The following CELF2 variants were observed in gnomAD, a reference collection of about 807,000 sequenced individuals.
CELF2 encodes the protein CUGBP Elav-like family member 2, also known as CUG triplet repeat RNA-binding protein 2.
Under a neutral mutation model 62.6 loss-of-function variants are expected in CELF2, and 8 were observed. That is an observed-to-expected ratio of 0.13 (90% CI 0.07 to 0.23). CELF2 has a LOEUF of 0.23. Among genes scored for constraint, CELF2 ranks in the 10% least tolerant of loss-of-function variants. The pLI, the probability that CELF2 is intolerant of heterozygous loss-of-function variation, is 1.00. For synonymous variants in CELF2, 258 were observed against 250.0 expected, an observed-to-expected ratio of 1.03 and a Z score of -0.30; for missense variants, 333 against 671.0, an observed-to-expected ratio of 0.50 and a Z score of 5.56.
the CELF2 span, among the ~76,000 whole-genome samples, chr10:10,698,370 G>A: frequency 6.6e-6 from 1 of 152,042 alleles, no homozygotes; most frequent in South Asian, 2.1e-4. Context: ...CCTTCATCTG[G>A]AACAAGTAAA....
chr10:10,566,189 T>C, the CELF2 span, among the ~76,000 whole-genome samples: 3 of 152,074 alleles, frequency 2.0e-5, no homozygotes, highest in African/African-American at 7.2e-5. Context: ...TAGATGTCAT[T>C]TTAAAAGAAG....
intron 1 of CELF2, among the ~76,000 whole-genome samples, chr10:10,864,780 C>T (rs2060254902): frequency 6.6e-6 from 1 of 152,194 alleles, no homozygotes; most frequent in Admixed American, 6.5e-5. Context: ...CACGAATATT[C>T]AGTTCATAAC....
At chr10:10,652,373 G>A in the CELF2 span, among the ~76,000 whole-genome samples, 20 of 127,564 alleles carry the variant, frequency 1.6e-4, no homozygotes, top group East Asian at 1.1e-3. Context: ...TACAGACAAC[G>A]CCACAAAGAT....
intron 2 of CELF2, among the ~76,000 whole-genome samples, chr10:11,172,164 C>G (rs537317173): frequency 2.0e-4 from 30 of 152,286 alleles, no homozygotes; most frequent in African/African-American, 7.0e-4. Context: ...GGGACAGCCC[C>G]AGTTTTGGTG....
chr10:10,550,409 C>T, the CELF2 span, among the ~76,000 whole-genome samples: 4 of 152,128 alleles, frequency 2.6e-5, no homozygotes, highest in Non-Finnish European at 5.9e-5. Context: ...ACAGAGTCAT[C>T]AATGGGCTCA....
intron 1 of CELF2, among the ~76,000 whole-genome samples, chr10:10,914,848 G>A (rs1158188589): frequency 6.6e-6 from 1 of 152,070 alleles, no homozygotes. Flanking sequence ...AGTGGTCTGG[G>A]CCAGGCATGA....
intron 1 of CELF2, among the ~76,000 whole-genome samples, chr10:11,101,361 C>G (rs978920770): frequency 4.6e-5 from 7 of 152,096 alleles, no homozygotes; most frequent in Non-Finnish European, 1.0e-4. Flanking sequence ...TAAATGGTGA[C>G]TGTATATAGG....
At chr10:10,952,374 T>TAGGAGCTAC (rs2048418518) in intron 2 of CELF2, 1 of 152,036 alleles carries the variant, frequency 6.6e-6, no homozygotes, top group Non-Finnish European at 1.5e-5. Flanking sequence ...ACCCCAAAGA[T>TAGGAGCTAC]AGGAGCTACA....
At chr10:11,189,793 A>G (rs961537256) in intron 2 of CELF2, among the ~76,000 whole-genome samples, 1 of 152,184 alleles carries the variant, frequency 6.6e-6, no homozygotes, top group Non-Finnish European at 1.5e-5. Context: ...TATCCAGAGG[A>G]ATTCCAGCAC....
At chr10:10,652,065 C>G in the CELF2 span, among the ~76,000 whole-genome samples, 1 of 146,088 alleles carries the variant, frequency 6.8e-6, no homozygotes, top group Non-Finnish European at 1.5e-5. Context: ...TCGAGAACTA[C>G]GTGAAGAATG....
In CELF2 at chr10:10,899,792, C is replaced by T. The variant is rs975404385; in HGVS notation, c.54-20172C>T. On this transcript the variant is annotated intron_variant, in intron 1 of 13. Coordinates refer to the CELF2 transcript ENST00000636488. ...AGGAAGGGGTGGTGGGGAGGTGCTA[C>T]GCACTTTTAAAGAACCAAATCTCAC... 5.3e-5 allele frequency among the ~76,000 whole-genome samples: 8 copies of T among 152,130 alleles called. No individual in the cohort carries two copies. The East Asian group carries it at 5.8e-4, about 11-fold the overall frequency.
At chr10:10,520,699 G>A in the CELF2 span, among the ~76,000 whole-genome samples, 1 of 152,056 alleles carries the variant, frequency 6.6e-6, no homozygotes, top group Non-Finnish European at 1.5e-5. Flanking sequence ...GCAGCCAGAC[G>A]ATATTTCACA....
At chr10:10,642,503 A>G in the CELF2 span, among the ~76,000 whole-genome samples, 1 of 152,210 alleles carries the variant, frequency 6.6e-6, no homozygotes, top group Non-Finnish European at 1.5e-5. Context: ...CAGAGAGAAA[A>G]TGTTTATTGA....
chr10:11,126,865 T>C (rs1267241292), intron 1 of CELF2, among the ~76,000 whole-genome samples: 2 of 135,816 alleles, frequency 1.5e-5, no homozygotes, highest in Non-Finnish European at 3.3e-5. Context: ...TCATTCATAC[T>C]TTTTTTTTTA....
chr10:11,331,649 T>C lies in CELF2; in HGVS notation c.*2596T>C, dbSNP rs2096024065. On this transcript the variant is annotated 3_prime_UTR_variant, in exon 13 of 13. Coordinates refer to ENST00000633077, the MANE Select transcript of CELF2 (RefSeq NM_001326342.2). ...AAAAAGGTTACAAAGTTTGTTAACT[T>C]GCTATCCTGTGGTCTTGTTGCCTGA... The C allele has an allele frequency of 6.6e-6, 1 of 152,606 alleles. No homozygotes were observed. Among genetic ancestry groups the C allele is most frequent in the African/African-American group, 2.4e-5 (1 of 41,438 alleles). The allele number at this position is 152,606 out of a possible 1,614,324, so 9.5% of individuals were successfully genotyped here.
In CELF2 at chr10:11,315,243, G is replaced by A. The variant is rs1012644462; in HGVS notation, c.1096+985G>A. ...GAGTAGCCAAGCCCAGCAGATCCAC[G>A]ACAGCTAACAGAGCTGCTGATACGG... On this transcript the variant is annotated intron_variant, in intron 10 of 12. Coordinates refer to ENST00000633077, the MANE Select transcript of CELF2 (RefSeq NM_001326342.2). This position sits in a 1 kb window ranked among gnomAD's most constrained non-coding sequence, Gnocchi z 5.8. Among the ~76,000 whole-genome samples the A allele has an allele frequency of 6.6e-6, 1 of 152,130 alleles. No individual in the cohort carries two copies. The highest frequency in any genetic ancestry group is 2.4e-5 in the African/African-American group (1 of 41,400).
chr10:10,466,077 A>G, the CELF2 span, among the ~76,000 whole-genome samples: 50,692 of 151,932 alleles, frequency 0.33, 9,093 homozygotes, highest in Admixed American at 0.42. Flanking sequence ...GCATAATCTG[A>G]TATTTCTATG....
chr10:10,615,831 T>A, the CELF2 span, among the ~76,000 whole-genome samples: 1 of 152,098 alleles, frequency 6.6e-6, no homozygotes, highest in African/African-American at 2.4e-5. Flanking sequence ...CAATTAAACC[T>A]CTTTTCTTTA....
intron 5 of CELF2, among the ~76,000 whole-genome samples, chr10:11,259,445 A>AAT (rs912957902): frequency 6.6e-6 from 1 of 150,776 alleles, no homozygotes; most frequent in Non-Finnish European, 1.5e-5. Context: ...AAAAAAAAAA[A>AAT]AGGCGGCATG....
Sources: allele counts gnomAD v4.1 joint callset (sites outside exome capture counted in the v4.1 genomes callset), GRCh38; gene constraint gnomAD v4.1.1; non-coding constraint Gnocchi (gnomAD v3.1); transcripts MANE v1.5; gene names NCBI Gene and HGNC (gene_info 2026-07-23, HGNC 2026-07-21).